The following PHACTR1 variants were observed in gnomAD, a reference collection of about 807,000 sequenced individuals.
The protein encoded by PHACTR1 is phosphatase and actin regulator 1.
PHACTR1 carries 16 observed loss-of-function variants against 69.2 expected under a neutral mutation model. That is an observed-to-expected ratio of 0.23 (90% CI 0.16 to 0.35). The LOEUF is 0.35. PHACTR1 is among the 10% of genes least tolerant of loss of function. PHACTR1 has a pLI of 1.00. For missense variants in PHACTR1, 510 were observed against 734.7 expected (o/e 0.69, Z 3.54); for synonymous variants, 312 against 284.5 (o/e 1.10, Z -0.97).
At chr6:13,000,641 G>GAAGGAAGGAAGGAAGGAAGA (rs1471881943) in intron 4 of PHACTR1, among the ~76,000 whole-genome samples, 1 of 111,922 alleles carries the variant, frequency 8.9e-6, no homozygotes, top group African/African-American at 3.9e-5. Context: ...AGGAAGGAAG[G>GAAGGAAGGAAGGAAGGAAGA]GGGGAGGGAG....
At chr6:12,999,484 C>T (rs1266492463) in intron 4 of PHACTR1, among the ~76,000 whole-genome samples, 1 of 152,068 alleles carries the variant, frequency 6.6e-6, no homozygotes, top group Non-Finnish European at 1.5e-5. Flanking sequence ...CCTGTAATTC[C>T]AGCTACTCAG....
rs1160611635 is a variant in PHACTR1 at position 13,272,846 on chromosome 6, G to A, written c.1392-14G>A. On this transcript the variant is annotated splice_polypyrimidine_tract_variant and intron_variant, in intron 10 of 14. Transcript: ENST00000332995. ...TGATATGGTCCAAAAACTTTTCCTGGATTTTTTCCGTAGGCGGCTGAGCCA... is the reference window on the plus strand; with the variant it reads ...TGATATGGTCCAAAAACTTTTCCTGAATTTTTTCCGTAGGCGGCTGAGCCA... 6.2e-7 allele frequency: 1 copy of A among 1,614,044 alleles called. No homozygotes were observed. The highest frequency in any genetic ancestry group is 8.5e-7 in the Non-Finnish European group (1 of 1,179,898).
chr6:13,227,724 G>C (rs1246611102), intron 8 of PHACTR1, 92 bp from the exon 9 acceptor site: 1 of 1,486,576 alleles, frequency 6.7e-7, no homozygotes, highest in Non-Finnish European at 9.1e-7. Context: ...TGTCTCTTAG[G>C]ACTGGGCAAC....
intron 4 of PHACTR1, among the ~76,000 whole-genome samples, chr6:13,020,167 C>T (rs1029011696): frequency 3.3e-5 from 5 of 152,118 alleles, no homozygotes; most frequent in Non-Finnish European, 7.4e-5. Flanking sequence ...AGGAACTAAA[C>T]AAGAATCCAG....
At chr6:12,839,520 TC>T (rs1439669682) in intron 4 of PHACTR1, among the ~76,000 whole-genome samples, 1 of 152,082 alleles carries the variant, frequency 6.6e-6, no homozygotes, top group Non-Finnish European at 1.5e-5. Flanking sequence ...GGCTGGCCCT[TC>T]TAGATATGTC....
chr6:12,860,735 C>G lies in PHACTR1; in HGVS notation c.250+110945C>G, dbSNP rs569688282. ...CTCATTGTGGTTTTGATTTGCATTT[C>G]TCTAATGACCAGTGATGATGAGCTC... On this transcript the variant is annotated intron_variant, in intron 4 of 14. Coordinates refer to ENST00000332995, the MANE Select transcript of PHACTR1 (RefSeq NM_030948.6). Among the ~76,000 whole-genome samples, 18 of 152,270 alleles carry G rather than the reference C, an allele frequency of 1.2e-4. No homozygotes were observed. The East Asian group carries it at 3.5e-3, about 29-fold the overall frequency.
intron 7 of PHACTR1, among the ~76,000 whole-genome samples, chr6:13,188,320 G>C (rs1435103176): frequency 6.6e-6 from 1 of 152,188 alleles, no homozygotes; most frequent in Non-Finnish European, 1.5e-5. Flanking sequence ...GCATCACCAT[G>C]AGGTAGCTAC....
intron 8 of PHACTR1, among the ~76,000 whole-genome samples, chr6:13,219,184 T>C (rs913144152): frequency 6.6e-6 from 1 of 152,178 alleles, no homozygotes; most frequent in Non-Finnish European, 1.5e-5. Context: ...TCTCAAGCTT[T>C]CCAAATATGT....
intron 7 of PHACTR1, among the ~76,000 whole-genome samples, chr6:13,186,391 G>A (rs1308089680): frequency 6.6e-6 from 1 of 152,160 alleles, no homozygotes; most frequent in East Asian, 1.9e-4. Context: ...CTGCTTGGAT[G>A]GATCAGGGTT....
chr6:13,217,757 C>T (rs1265308481), intron 8 of PHACTR1, among the ~76,000 whole-genome samples: 2 of 152,212 alleles, frequency 1.3e-5, no homozygotes, highest in Non-Finnish European at 2.9e-5. Flanking sequence ...TCTTAGAAGG[C>T]TAATCCTAGG....
intron 10 of PHACTR1, among the ~76,000 whole-genome samples, chr6:13,241,139 G>A (rs1772780125): frequency 6.6e-6 from 1 of 152,206 alleles, no homozygotes; most frequent in African/African-American, 2.4e-5. Flanking sequence ...GTTCCACAGT[G>A]GCAGTGGGTC....
chr6:13,022,164 G>A (rs1281451708), intron 4 of PHACTR1, among the ~76,000 whole-genome samples: 1 of 152,230 alleles, frequency 6.6e-6, no homozygotes, highest in Non-Finnish European at 1.5e-5. Context: ...ATCATTCAGG[G>A]AAATTTGGGC....
intron 5 of PHACTR1, among the ~76,000 whole-genome samples, chr6:13,088,617 G>A (rs1168048139): frequency 6.6e-6 from 1 of 152,112 alleles, no homozygotes; most frequent in Admixed American, 6.6e-5. Flanking sequence ...CCCAACAGCT[G>A]CTCTCCAGAG....
At chr6:12,838,692 A>C (rs954764355) in intron 4 of PHACTR1, among the ~76,000 whole-genome samples, 1 of 152,212 alleles carries the variant, frequency 6.6e-6, no homozygotes, top group East Asian at 1.9e-4. Flanking sequence ...GTACAAAAGC[A>C]CTCATGAAAT....
intron 4 of PHACTR1, among the ~76,000 whole-genome samples, chr6:13,019,380 T>C (rs1361764943): frequency 6.6e-6 from 1 of 152,234 alleles, no homozygotes; most frequent in Non-Finnish European, 1.5e-5. Flanking sequence ...TGTTAGTGCC[T>C]AGGCAAGGAC....
chr6:12,815,636 GAAACTAC>G (rs1023005149), intron 4 of PHACTR1, among the ~76,000 whole-genome samples: 4 of 152,334 alleles, frequency 2.6e-5, no homozygotes, highest in African/African-American at 9.6e-5. Flanking sequence ...TCACATTTGT[GAAACTAC>G]AGCTCACATC....
chr6:12,962,222 G>A (rs1205175650), intron 4 of PHACTR1, among the ~76,000 whole-genome samples: 1 of 152,076 alleles, frequency 6.6e-6, no homozygotes, highest in African/African-American at 2.4e-5. Context: ...CACTGTGCCT[G>A]GCCCTAATCT....
At chr6:13,219,422 G>T (rs1446396220) in intron 8 of PHACTR1, among the ~76,000 whole-genome samples, 5 of 152,190 alleles carry the variant, frequency 3.3e-5, no homozygotes, top group Admixed American at 6.5e-5. Context: ...ATCATGCAGG[G>T]TCATGGGAGG....
intron 4 of PHACTR1, among the ~76,000 whole-genome samples, chr6:12,925,334 T>C (rs1788154442): frequency 6.6e-6 from 1 of 152,206 alleles, no homozygotes. Flanking sequence ...AATATATTGG[T>C]CATCTAGGTC....
Sources: gnomAD v4.1 joint callset for allele counts (sites outside exome capture counted in the v4.1 genomes callset) on GRCh38, gnomAD v4.1.1 for gene constraint, MANE v1.5 for transcripts, NCBI Gene and HGNC (gene_info 2026-07-23, HGNC 2026-07-21) for gene names.